Variants in PRIM2 observed in about 807,000 individuals in gnomAD.
PRIM2 encodes the protein DNA primase large subunit.
PRIM2 carries 39 observed loss-of-function variants against 67.3 expected under a neutral mutation model. The ratio of observed to expected loss-of-function variants is 0.58; its 90% CI spans 0.45 to 0.76. PRIM2 has a LOEUF of 0.76. Ranked by LOEUF, PRIM2 falls within the 30% of genes least tolerant of loss-of-function variation. PRIM2 has a pLI of 0.00. For missense variants in PRIM2, 398 were observed against 598.7 expected (o/e 0.66, Z 3.50); for synonymous variants, 143 against 198.7 (o/e 0.72, Z 2.36).
chr6:57,356,968 CTG>C (rs1769049795), intron 5 of PRIM2, among the ~76,000 whole-genome samples: 1 of 135,890 alleles, frequency 7.4e-6, no homozygotes, highest in Admixed American at 8.2e-5. Context: ...GAGTCTTGCT[CTG>C]TTGCCCAGGC....
At chr6:57,247,965 T>A in the PRIM2 span, among the ~76,000 whole-genome samples, 1 of 152,242 alleles carries the variant, frequency 6.6e-6, no homozygotes, top group Non-Finnish European at 1.5e-5. Context: ...TAATATAGCA[T>A]ATAATTCAAT....
At chr6:57,268,389 A>C in the PRIM2 span, among the ~76,000 whole-genome samples, 56 of 152,314 alleles carry the variant, frequency 3.7e-4, no homozygotes, top group African/African-American at 1.2e-3. Flanking sequence ...TAAAGACTTC[A>C]TATATTGAGA....
the PRIM2 span, among the ~76,000 whole-genome samples, chr6:57,271,907 G>C: frequency 1.2e-4 from 19 of 152,322 alleles, no homozygotes; most frequent in African/African-American, 4.3e-4. Flanking sequence ...TTCAGGAGCA[G>C]GTTGTTCAGT....
intron 7 of PRIM2, among the ~76,000 whole-genome samples, chr6:57,398,706 T>C (rs924519113): frequency 9.9e-5 from 15 of 152,190 alleles, no homozygotes; most frequent in Non-Finnish European, 1.8e-4. Context: ...TCTTCGTTAA[T>C]TTTCTGCCTC....
chr6:57,306,776 A>G, the PRIM2 span, among the ~76,000 whole-genome samples: 2 of 152,176 alleles, frequency 1.3e-5, no homozygotes, highest in African/African-American at 4.8e-5. Context: ...GTTAACCACT[A>G]TCTTGAATTT....
Position 57,434,443 on chromosome 6 carries a change from T to C in PRIM2, c.693+52275T>C, listed in dbSNP as rs1401383245. Among the ~76,000 whole-genome samples the C allele has an allele frequency of 2.6e-5, 4 of 151,906 alleles. No individual in the cohort carries two copies. In the South Asian group the frequency reaches 6.3e-4, roughly 24 times the overall value. ...ATTGATTAAAGCCTTAAAAAAAAAA[T>C]CTCAAGAATTTGCCCTGAAAAGCCC... On this transcript the variant is annotated intron_variant, in intron 7 of 13. Transcript: ENST00000615550.
the PRIM2 span, among the ~76,000 whole-genome samples, chr6:57,254,487 C>G: frequency 1.3e-5 from 2 of 152,170 alleles, no homozygotes; most frequent in African/African-American, 2.4e-5. Context: ...TCTGTAACAA[C>G]TGTTTCAGCA....
intron 7 of PRIM2, among the ~76,000 whole-genome samples, chr6:57,461,223 C>G (rs1772993142): frequency 1.3e-5 from 2 of 152,200 alleles, no homozygotes. Flanking sequence ...AAGTAAGTGG[C>G]TTTGATGACA....
chr6:57,368,221 C>T (rs571395013), intron 5 of PRIM2, among the ~76,000 whole-genome samples: 11 of 151,442 alleles, frequency 7.3e-5, no homozygotes, highest in African/African-American at 1.5e-4. Flanking sequence ...TTTAGAAAAG[C>T]GGATTCTTTT....
intron 5 of PRIM2, among the ~76,000 whole-genome samples, chr6:57,375,364 C>T (rs567450317): frequency 2.6e-5 from 4 of 152,284 alleles, no homozygotes; most frequent in African/African-American, 4.8e-5. Context: ...TGTGATGAAT[C>T]ACATTTATTG....
chr6:57,226,716 G>T, the PRIM2 span, among the ~76,000 whole-genome samples: 1 of 152,208 alleles, frequency 6.6e-6, no homozygotes, highest in East Asian at 1.9e-4. Flanking sequence ...GCAATGGAAG[G>T]CCGGTTCAGG....
chr6:57,545,215 C>A (rs1226625662), intron 10 of PRIM2, among the ~76,000 whole-genome samples: 8 of 152,062 alleles, frequency 5.3e-5, no homozygotes, highest in Admixed American at 3.3e-4. Flanking sequence ...AAATATTTAA[C>A]ATAGTATCAT....
chr6:57,519,815 C>A (rs1263955167), intron 8 of PRIM2, among the ~76,000 whole-genome samples: 1 of 152,120 alleles, frequency 6.6e-6, no homozygotes, highest in East Asian at 1.9e-4. Flanking sequence ...TTAGAGATTG[C>A]AGTAAAGACA....
chr6:57,548,317 A>G (rs1355108882), intron 10 of PRIM2, among the ~76,000 whole-genome samples: 1 of 152,162 alleles, frequency 6.6e-6, no homozygotes, highest in Non-Finnish European at 1.5e-5. Flanking sequence ...TTAGCATACA[A>G]GAAAATGGAG....
chr6:57,591,317 T>C (rs1180668662), intron 10 of PRIM2, among the ~76,000 whole-genome samples: 1 of 152,116 alleles, frequency 6.6e-6, no homozygotes, highest in Non-Finnish European at 1.5e-5. Context: ...GTCAAAAAAT[T>C]ATCGCAAGAA....
At chr6:57,382,978 A>G (rs1367554059) in intron 7 of PRIM2, 4 of 152,062 alleles carry the variant, frequency 2.6e-5, no homozygotes, top group African/African-American at 9.7e-5. Flanking sequence ...TAATTTAGCT[A>G]TGTCAGCACT....
intron 7 of PRIM2, among the ~76,000 whole-genome samples, chr6:57,458,989 CA>C (rs1333511845): frequency 6.6e-6 from 1 of 152,032 alleles, no homozygotes; most frequent in Admixed American, 6.5e-5. Context: ...TTAGTATGAA[CA>C]AAAAAATAAC....
chr6:57,323,642 G>A (rs555022990), intron 3 of PRIM2, among the ~76,000 whole-genome samples: 1 of 152,128 alleles, frequency 6.6e-6, no homozygotes, highest in African/African-American at 2.4e-5. Context: ...GGGGTCAAGG[G>A]GAGAGACAGC....
At chr6:57,433,406 C>G (rs151015260) in intron 7 of PRIM2, among the ~76,000 whole-genome samples, 10 of 140,472 alleles carry the variant, frequency 7.1e-5, no homozygotes, top group Non-Finnish European at 6.1e-5. Flanking sequence ...CATCCCACAA[C>G]AGTCCCCAGA....
Sources: gnomAD v4.1 joint callset for allele counts (sites outside exome capture counted in the v4.1 genomes callset) on GRCh38, gnomAD v4.1.1 for gene constraint, MANE v1.5 for transcripts, NCBI Gene and HGNC (gene_info 2026-07-23, HGNC 2026-07-21) for gene names.